Variants in URI1 observed in about 807,000 individuals in gnomAD.
URI1 encodes the protein unconventional prefoldin RPB5 interactor 1.
URI1 carries 39 observed loss-of-function variants against 60.2 expected under a neutral mutation model. That is an observed-to-expected ratio of 0.65 (90% CI 0.50 to 0.85). URI1 has a LOEUF of 0.85. Ranked by LOEUF, URI1 falls within the 40% of genes least tolerant of loss-of-function variation. The probability of loss-of-function intolerance (pLI) is 0.00; values close to 1 mark genes in which losing one functional copy is unlikely to be tolerated. For synonymous variants in URI1, 251 were observed against 236.8 expected, an observed-to-expected ratio of 1.06 and a Z score of -0.55; for missense variants, 691 against 665.9, an observed-to-expected ratio of 1.04 and a Z score of -0.42.
chr19:29,979,078 T>C (rs1393299837), intron 2 of URI1, among the ~76,000 whole-genome samples: 1 of 152,186 alleles, frequency 6.6e-6, no homozygotes, highest in Non-Finnish European at 1.5e-5. Context: ...AAAATTACTT[T>C]TTTCTAAAAT....
At chr19:29,946,640 T>G (rs907472687) in intron 1 of URI1, among the ~76,000 whole-genome samples, 5 of 152,182 alleles carry the variant, frequency 3.3e-5, no homozygotes, top group Admixed American at 6.5e-5. Context: ...ATATTTTAAA[T>G]TTTTTATAAA....
At chr19:29,934,600 C>G (rs1045406495) in intron 1 of URI1, among the ~76,000 whole-genome samples, 1 of 152,172 alleles carries the variant, frequency 6.6e-6, no homozygotes, top group African/African-American at 2.4e-5. Context: ...CAGTGGTGAG[C>G]TCATAGCTCA....
chr19:29,932,784 T>A (rs925340149), intron 1 of URI1, among the ~76,000 whole-genome samples: 19 of 152,054 alleles, frequency 1.2e-4, no homozygotes, highest in African/African-American at 4.3e-4. Flanking sequence ...CCTGAGTAGC[T>A]GGGATTGCAG....
chr19:29,974,163 A>G (rs1341704291), intron 2 of URI1, among the ~76,000 whole-genome samples: 1 of 152,132 alleles, frequency 6.6e-6, no homozygotes, highest in Non-Finnish European at 1.5e-5. Flanking sequence ...TTTCTTGTAA[A>G]GTGATGATGA....
rs556747727 is a variant in URI1, at chr19:30,014,026, A to G, written c.1426-861A>G. 2.0e-4 allele frequency among the ~76,000 whole-genome samples: 31 copies of G among 152,146 alleles called. 1 individual carries two copies. The South Asian group carries it at 2.9e-3, about 14-fold the overall frequency. On this transcript the variant is annotated intron_variant, in intron 10 of 10. Transcript: ENST00000392271. ...AATGTACATTAAAGTTCACCTGTCAAATTTTCATTTGTAGAGGGAAGGATG... is the reference window on the plus strand; with the variant it reads ...AATGTACATTAAAGTTCACCTGTCAGATTTTCATTTGTAGAGGGAAGGATG...
At chr19:29,942,158 TG>T, upstream of URI1, 1 of 962,576 alleles carries the variant, frequency 1.0e-6, no homozygotes, top group African/African-American at 1.8e-5. Context: ...CGCACTCCCC[TG>T]GGGGCGGGGC....
rs369017850 is a variant in URI1 at position 29,989,360 on chromosome 19, G to A, written c.367+2943G>A. ...ACTCCTGACCTCAGGTGATCCACCC[G>A]CCTCAGCCTCTGAAAGTGCTGCGAT... is the stretch of plus-strand genomic sequence containing the variant. On this transcript the variant is annotated intron_variant, in intron 4 of 10. Coordinates refer to ENST00000392271, the MANE Select transcript of URI1 (RefSeq NM_003796.3). 8.2e-4 allele frequency among the ~76,000 whole-genome samples: 123 copies of A among 149,830 alleles called. No individual in the cohort carries two copies. In the South Asian group the frequency reaches 0.019, roughly 23 times the overall value.
At chr19:29,986,187 T>C in intron 3 of URI1, 95 bp from the exon 4 acceptor site, 1 of 1,218,896 alleles carries the variant, frequency 8.2e-7, no homozygotes. Flanking sequence ...ATAAAAAAAT[T>C]CAGTTATGTA....
intron 4 of URI1, among the ~76,000 whole-genome samples, chr19:30,002,636 A>G (rs959015422): frequency 1.3e-5 from 2 of 152,062 alleles, no homozygotes; most frequent in East Asian, 3.9e-4. Context: ...TTTGAAAACA[A>G]TCTTCTGTCC....
intron 2 of URI1, among the ~76,000 whole-genome samples, chr19:29,983,026 A>G (rs1195773914): frequency 6.6e-6 from 1 of 152,230 alleles, no homozygotes; most frequent in Non-Finnish European, 1.5e-5. Context: ...TTTCTGGTAC[A>G]TAGCCTTGTG....
At chr19:30,007,432 G>T in intron 6 of URI1, 38 bp from the exon 7 acceptor site, 1 of 1,598,928 alleles carries the variant, frequency 6.3e-7, no homozygotes, top group Admixed American at 1.7e-5. Context: ...TTTTTATGTT[G>T]GCTATTAACA....
intron 1 of URI1, among the ~76,000 whole-genome samples, chr19:29,964,458 TG>T (rs1568420145): frequency 1.2e-4 from 18 of 147,304 alleles, no homozygotes; most frequent in African/African-American, 4.2e-4. Flanking sequence ...TTTTGTTTTT[TG>T]TTTTGTTTTT....
intron 6 of URI1, 119 bp from the exon 7 acceptor site, chr19:30,007,351 A>G: frequency 1.7e-6 from 2 of 1,150,372 alleles, no homozygotes; most frequent in South Asian, 1.6e-5. Context: ...TTGGCTTAAA[A>G]ATTGTGACCC....
chr19:29,991,505 T>A (rs2055746263), intron 4 of URI1, among the ~76,000 whole-genome samples: 1 of 152,224 alleles, frequency 6.6e-6, no homozygotes, highest in African/African-American at 2.4e-5. Context: ...TGGGGTAGAT[T>A]CCATGGGATT....
intron 1 of URI1, among the ~76,000 whole-genome samples, chr19:29,933,300 A>G (rs2054938579): frequency 6.6e-6 from 1 of 152,162 alleles, no homozygotes; most frequent in Admixed American, 6.5e-5. Context: ...CTTACTTGTT[A>G]TAGATCCAAT....
intron 4 of URI1, chr19:30,004,451 T>C (rs1015018417): frequency 6.6e-6 from 1 of 152,058 alleles, no homozygotes; most frequent in Non-Finnish European, 1.5e-5. Flanking sequence ...TCATCATTGG[T>C]AGAGAAAGAA....
chr19:29,925,111 C>T (rs377609483), intron 1 of URI1, among the ~76,000 whole-genome samples: 71 of 152,370 alleles, frequency 4.7e-4, no homozygotes, highest in South Asian at 2.9e-3. Flanking sequence ...GCTGGGATTA[C>T]AGGCGTGAGC....
intron 2 of URI1, among the ~76,000 whole-genome samples, chr19:29,978,262 T>C (rs2055550310): frequency 6.6e-6 from 1 of 152,168 alleles, no homozygotes; most frequent in Non-Finnish European, 1.5e-5. Context: ...TTTTAAACTA[T>C]TATTAAAAAA....
intron 1 of URI1, among the ~76,000 whole-genome samples, chr19:29,934,327 G>C (rs1368719487): frequency 6.6e-6 from 1 of 152,128 alleles, no homozygotes; most frequent in Non-Finnish European, 1.5e-5. Context: ...ATGTTAGTTT[G>C]CTAGGGCCAT....
Sources: allele counts gnomAD v4.1 joint callset (sites outside exome capture counted in the v4.1 genomes callset), GRCh38; gene constraint gnomAD v4.1.1; transcripts MANE v1.5; gene names NCBI Gene and HGNC (gene_info 2026-07-23, HGNC 2026-07-21).